Variants in ANXA3 observed in about 807,000 individuals in gnomAD.
ANXA3 encodes annexin A3.
A neutral mutation model predicts 48.8 loss-of-function variants in ANXA3; 46 were observed. That is an observed-to-expected ratio of 0.94 (90% confidence interval 0.74 to 1.21). The LOEUF is 1.21. Among genes scored for constraint, ANXA3 ranks in the 50% most tolerant of loss-of-function variants. The pLI is 0.00. For synonymous variants in ANXA3, 128 were observed against 134.7 expected (o/e 0.95, Z 0.35); for missense variants, 383 against 378.6 (o/e 1.01, Z -0.10).
At chr4:78,552,694 T>G (rs1722424468) in intron 1 of ANXA3, among the ~76,000 whole-genome samples, 1 of 152,242 alleles carries the variant, frequency 6.6e-6, no homozygotes, top group Admixed American at 6.5e-5. Context: ...TGTTCAGCAC[T>G]GACAGCAAGA....
At chr4:78,582,072 C>T (rs942070403) in intron 4 of ANXA3, 105 bp from the exon 5 acceptor site, 12 of 657,300 alleles carry the variant, frequency 1.8e-5, no homozygotes, top group African/African-American at 1.6e-4. Flanking sequence ...TGTGGATGGA[C>T]ATGTTTTGTC....
intron 5 of ANXA3, among the ~76,000 whole-genome samples, chr4:78,582,919 T>C (rs1390383244): frequency 6.6e-6 from 1 of 152,232 alleles, no homozygotes; most frequent in Non-Finnish European, 1.5e-5. Flanking sequence ...AAGCTTCTTA[T>C]CATGACTTTC....
intron 1 of ANXA3, chr4:78,554,091 T>C (rs1208579613): frequency 5.5e-6 from 1 of 180,376 alleles, no homozygotes; most frequent in Non-Finnish European, 1.2e-5. Flanking sequence ...TTGATCCCCG[T>C]AGTGGTAGCC....
chr4:78,604,721 G>A (rs1205038531), intron 12 of ANXA3, among the ~76,000 whole-genome samples: 1 of 152,142 alleles, frequency 6.6e-6, no homozygotes, highest in African/African-American at 2.4e-5. Context: ...TTATGACAAT[G>A]TAAGAAAAGA....
intron 2 of ANXA3, among the ~76,000 whole-genome samples, chr4:78,561,300 G>A (rs1050950548): frequency 2.0e-5 from 3 of 152,120 alleles, no homozygotes; most frequent in Non-Finnish European, 4.4e-5. Context: ...TGACATATGA[G>A]GACACAGTCA....
intron 2 of ANXA3, among the ~76,000 whole-genome samples, chr4:78,558,082 A>T (rs1722553472): frequency 6.6e-6 from 1 of 152,262 alleles, no homozygotes. Flanking sequence ...ACCCTGTCAC[A>T]TGCTACTATG....
In ANXA3 at chr4:78,586,591, G is replaced by A. The variant is rs188822721; in HGVS notation, c.403+241G>A. 2.6e-5 allele frequency among the ~76,000 whole-genome samples: 4 copies of A among 152,328 alleles called. No individual in the cohort carries two copies. The East Asian group carries it at 7.7e-4, about 29-fold the overall frequency. On this transcript the variant is annotated intron_variant, in intron 6 of 12. Coordinates refer to ENST00000264908, the MANE Select transcript of ANXA3 (RefSeq NM_005139.3). ...GCTTTACATTTATAATATTACAGCT[G>A]CAGTGGATTTTGCTCTCGGCAATCT...
chr4:78,603,141 A>G (rs1253407175), intron 11 of ANXA3: 1 of 152,318 alleles, frequency 6.6e-6, no homozygotes, highest in East Asian at 1.9e-4. Flanking sequence ...TACTTAAGCA[A>G]TAGTTAATTT....
chr4:78,591,736 T>A (rs543295720), intron 7 of ANXA3, 113 bp downstream of exon 7: 22 of 729,480 alleles, frequency 3.0e-5, no homozygotes, highest in Non-Finnish European at 5.1e-5. Flanking sequence ...ATTTTCCTTA[T>A]GAAATGGTTT....
rs149713487 is a variant in ANXA3 at position 78,562,498 on chromosome 4, G to A, written c.15+8010G>A. ...TGTAGAATTTTTACCATATGGCATG[G>A]AGCTCTGAAAAGTCTGACACCGGCA... On this transcript the variant is annotated intron_variant, in intron 2 of 12. Transcript: ENST00000264908. Among the ~76,000 whole-genome samples the A allele has an allele frequency of 4.5e-3, 679 of 152,306 alleles. 6 individuals carry two copies. The highest frequency in any genetic ancestry group is 0.014 in the African/African-American group (580 of 41,560).
intron 2 of ANXA3, among the ~76,000 whole-genome samples, chr4:78,568,330 T>A: frequency 6.6e-6 from 1 of 152,238 alleles, no homozygotes; most frequent in Admixed American, 6.5e-5. Context: ...ATCTACTCCA[T>A]TTTTCCTTGT....
chr4:78,598,902 G>A (rs749268060), intron 10 of ANXA3, among the ~76,000 whole-genome samples: 8 of 152,002 alleles, frequency 5.3e-5, no homozygotes, highest in African/African-American at 1.5e-4. Flanking sequence ...TTGCTAAGCC[G>A]TAATGTTTGA....
At chr4:78,586,888 C>G (rs1723191734) in intron 6 of ANXA3, among the ~76,000 whole-genome samples, 1 of 152,202 alleles carries the variant, frequency 6.6e-6, no homozygotes, top group African/African-American at 2.4e-5. Context: ...ACAGTCCCCA[C>G]AAGACTACCT....
chr4:78,592,459 G>T (rs1723319329), intron 7 of ANXA3, among the ~76,000 whole-genome samples: 1 of 152,182 alleles, frequency 6.6e-6, no homozygotes, highest in South Asian at 2.1e-4. Context: ...AAAAACTTAT[G>T]AAGGTTGAAC....
chr4:78,571,074 C>G (rs962937674), intron 2 of ANXA3: 1 of 152,080 alleles, frequency 6.6e-6, no homozygotes, highest in Admixed American at 6.5e-5. Flanking sequence ...TGCAGTGACA[C>G]AATCACAGCT....
chr4:78,553,091 A>G (rs1722433435), intron 1 of ANXA3, among the ~76,000 whole-genome samples: 1 of 152,230 alleles, frequency 6.6e-6, no homozygotes, highest in Non-Finnish European at 1.5e-5. Flanking sequence ...GGATCAATGC[A>G]TATTAAGTGT....
At chr4:78,560,572 A>C (rs535335338) in intron 2 of ANXA3, among the ~76,000 whole-genome samples, 1 of 152,218 alleles carries the variant, frequency 6.6e-6, no homozygotes, top group Admixed American at 6.5e-5. Context: ...CAGTGTCCAG[A>C]ATTGTAATTG....
At chr4:78,588,560 G>A (rs1223248047) in intron 6 of ANXA3, among the ~76,000 whole-genome samples, 1 of 152,156 alleles carries the variant, frequency 6.6e-6, no homozygotes, top group Non-Finnish European at 1.5e-5. Context: ...GGCTGATGTC[G>A]GGACCTCAGG....
intron 9 of ANXA3, among the ~76,000 whole-genome samples, chr4:78,596,295 CA>C (rs966782144): frequency 2.5e-4 from 38 of 152,340 alleles, no homozygotes; most frequent in African/African-American, 9.1e-4. Context: ...GTTGACACAT[CA>C]ATACTGATTA....
Sources: gnomAD v4.1 joint callset for allele counts (sites outside exome capture counted in the v4.1 genomes callset) on GRCh38, gnomAD v4.1.1 for gene constraint, MANE v1.5 for transcripts, NCBI Gene and HGNC (gene_info 2026-07-23, HGNC 2026-07-21) for gene names.